Variants in DGKB observed in about 807,000 individuals in gnomAD.
The protein encoded by DGKB is 90 kDa diacylglycerol kinase.
DGKB carries 67 observed loss-of-function variants against 114.3 expected under a neutral mutation model. That is an observed-to-expected ratio of 0.59 (90% CI 0.48 to 0.72). The LOEUF is 0.72. Ranked by LOEUF, DGKB falls within the 30% of genes least tolerant of loss-of-function variation. The pLI is 0.00. For missense variants in DGKB, 907 were observed against 975.2 expected (o/e 0.93, Z 0.93); for synonymous variants, 398 against 323.1 (o/e 1.23, Z -2.49).
intron 9 of DGKB, among the ~76,000 whole-genome samples, chr7:14,687,360 A>G (rs1198413503): frequency 6.6e-6 from 1 of 152,202 alleles, no homozygotes; most frequent in Non-Finnish European, 1.5e-5. Context: ...CAACAAATAC[A>G]GCTACGCAGG....
At chr7:14,945,164 C>G (rs67099092) in intron 1 of DGKB, among the ~76,000 whole-genome samples, 3 of 151,526 alleles carry the variant, frequency 2.0e-5, no homozygotes, top group African/African-American at 7.3e-5. Flanking sequence ...AACAAAAATG[C>G]AATCAGCTAC....
chr7:14,932,209 T>C (rs535381043), intron 1 of DGKB, among the ~76,000 whole-genome samples: 2 of 152,258 alleles, frequency 1.3e-5, no homozygotes, highest in South Asian at 2.1e-4. Flanking sequence ...ACTCACTCTC[T>C]CTCTCCTGTG....
intron 21 of DGKB, among the ~76,000 whole-genome samples, chr7:14,355,465 T>G (rs1291517711): frequency 3.9e-5 from 6 of 152,188 alleles, no homozygotes. Context: ...AATACCTAGT[T>G]TATTGAGAGT....
At chr7:14,305,452 T>C (rs1804310593) in intron 23 of DGKB, among the ~76,000 whole-genome samples, 1 of 152,114 alleles carries the variant, frequency 6.6e-6, no homozygotes, top group African/African-American at 2.4e-5. Flanking sequence ...GTGGTCAAGT[T>C]TGAGGTTGAC....
At chr7:14,319,367 CAG>C (rs1486088232) in intron 23 of DGKB, among the ~76,000 whole-genome samples, 1 of 151,928 alleles carries the variant, frequency 6.6e-6, no homozygotes, top group Non-Finnish European at 1.5e-5. Flanking sequence ...CCAGACATTA[CAG>C]AGATTTATAA....
intron 1 of DGKB, among the ~76,000 whole-genome samples, chr7:14,967,106 G>T (rs982140338): frequency 6.6e-6 from 1 of 152,072 alleles, no homozygotes; most frequent in South Asian, 2.1e-4. Flanking sequence ...CTACTGAATT[G>T]ATTTTAACTT....
chr7:14,967,543 G>A (rs932441071), intron 1 of DGKB, among the ~76,000 whole-genome samples: 3 of 150,524 alleles, frequency 2.0e-5, no homozygotes, highest in Non-Finnish European at 3.0e-5. Context: ...CTGGTCTTGA[G>A]CTCCCGGCCT....
rs182509703 is a variant in DGKB, at chr7:14,439,612, C to T, written c.1835+38549G>A. On this transcript the variant is annotated intron_variant, in intron 21 of 25. Coordinates refer to ENST00000402815, the MANE Select transcript of DGKB (RefSeq NM_001350709.2). ...GGCACAGTGGCTCATGCCTGTAATT[C>T]CAGCACTTTGGGAGGCCGAAGTGGA... Among the ~76,000 whole-genome samples, 209 of 152,062 alleles carry T rather than the reference C, an allele frequency of 1.4e-3. 2 individuals carry two copies. The highest frequency in any genetic ancestry group is 6.8e-3 in the Middle Eastern group (2 of 292).
chr7:14,233,233 T>C (rs1183403574), intron 23 of DGKB, among the ~76,000 whole-genome samples: 2 of 151,892 alleles, frequency 1.3e-5, no homozygotes, highest in Non-Finnish European at 2.9e-5. Context: ...AAGGAAGTGG[T>C]GGGGAAACAA....
chr7:14,340,263 A>G (rs2128579878), intron 22 of DGKB, among the ~76,000 whole-genome samples: 1 of 143,644 alleles, frequency 7.0e-6, no homozygotes, highest in African/African-American at 2.6e-5. Flanking sequence ...GGTCATGTGT[A>G]TACTCACTTA....
At chr7:14,891,789 C>G (rs1781267437) in intron 1 of DGKB, among the ~76,000 whole-genome samples, 1 of 151,180 alleles carries the variant, frequency 6.6e-6, no homozygotes, top group South Asian at 2.1e-4. Flanking sequence ...TATGAAGTAC[C>G]TGGGTGGCAG....
chr7:14,426,012 C>T (rs1827458678), intron 21 of DGKB, among the ~76,000 whole-genome samples: 2 of 152,084 alleles, frequency 1.3e-5, no homozygotes, highest in Non-Finnish European at 2.9e-5. Context: ...CAAATTTTAT[C>T]TAATTAACCT....
chr7:14,432,305 G>A (rs890702219), intron 21 of DGKB, among the ~76,000 whole-genome samples: 1 of 152,082 alleles, frequency 6.6e-6, no homozygotes, highest in African/African-American at 2.4e-5. Context: ...TTGCAAAACA[G>A]GCAAAAATGA....
At chr7:14,188,634 T>C (rs1783827042) in intron 23 of DGKB, among the ~76,000 whole-genome samples, 1 of 93,020 alleles carries the variant, frequency 1.1e-5, no homozygotes, top group Non-Finnish European at 2.0e-5. Context: ...CACTCCAGCC[T>C]GGGCGACAAA....
chr7:14,394,385 CCTCATATATTA>C (rs1563092127), intron 21 of DGKB, among the ~76,000 whole-genome samples: 1 of 152,114 alleles, frequency 6.6e-6, no homozygotes. Context: ...ACCAGCTCAT[CCTCATATATTA>C]TTGACAAAGA....
intron 1 of DGKB, among the ~76,000 whole-genome samples, chr7:14,856,608 C>T (rs1020504330): frequency 2.0e-5 from 3 of 151,716 alleles, no homozygotes; most frequent in Non-Finnish European, 4.4e-5. Context: ...TATTAGTGCA[C>T]GTGGCTCTGT....
chr7:14,283,148 A>T (rs188643978), intron 23 of DGKB, among the ~76,000 whole-genome samples: 2,040 of 151,848 alleles, frequency 0.013, 37 homozygotes, highest in African/African-American at 0.037. Flanking sequence ...TTAAGCTGAT[A>T]AGCAACTTCA....
chr7:14,574,222 G>A lies in DGKB; in HGVS notation c.1760C>T (p.Ser587Phe). Residue 587 changes from serine to phenylalanine, a missense_variant, in exon 20 of 26, where the codon TCC becomes TTC. Ser to Phe is a radical substitution (Grantham distance 155, BLOSUM62 -2). This residue lies in a region of DGKB where 814 missense variants were observed against 856.6 expected (regional missense o/e 0.95). Coordinates refer to ENST00000402815, the MANE Select transcript of DGKB (RefSeq NM_001350709.2). Reference protein sequence around the residue: ...VPYSIINNYFSIGVDASIAHR... With the variant: ...VPYSIINNYFFIGVDASIAHR... ...AGTGGAGAATCTTACCACGCCAATG[G>A]AAAAGTAATTATTGATGATACTGTA... 1 of 1,612,514 alleles carries A rather than the reference G, an allele frequency of 6.2e-7. No homozygotes were observed.
intron 17 of DGKB, among the ~76,000 whole-genome samples, chr7:14,586,141 G>A (rs1800723258): frequency 6.6e-6 from 1 of 152,110 alleles, no homozygotes; most frequent in South Asian, 2.1e-4. Flanking sequence ...CCAAAAGCTA[G>A]CCATTTTGTG....
Sources: gnomAD v4.1 joint callset for allele counts (sites outside exome capture counted in the v4.1 genomes callset) on GRCh38, gnomAD v4.1.1 for gene constraint, gnomAD v4.1.1 regional missense constraint, MANE v1.5 for transcripts, NCBI Gene and HGNC (gene_info 2026-07-23, HGNC 2026-07-21) for gene names.